The following MAP3K13 variants were observed in gnomAD, a reference collection of about 807,000 sequenced individuals.
MAP3K13 encodes the protein mitogen-activated protein kinase kinase kinase 13, also known as leucine zipper-bearing kinase.
Under a neutral mutation model 104.0 loss-of-function variants are expected in MAP3K13, and 52 were observed. That is an observed-to-expected ratio of 0.50 (90% CI 0.40 to 0.63). The LOEUF is 0.63. MAP3K13 is among the 20% of genes least tolerant of loss of function. The probability of loss-of-function intolerance (pLI) is 0.00; values close to 1 mark genes in which losing one functional copy is unlikely to be tolerated. For synonymous variants in MAP3K13, 394 were observed against 442.2 expected (o/e 0.89, Z 1.37); for missense variants, 914 against 1,218.5 (o/e 0.75, Z 3.72).
rs141609876 is a variant in MAP3K13 at position 185,443,546 on chromosome 3, G to A, written c.761G>A (p.Arg254Gln). The change falls in exon 4 of 14, where the codon CGA (arginine) becomes CAA (glutamine). Residue 254 changes from arginine to glutamine, a missense_variant. Arg to Gln is a conservative substitution (Grantham distance 43). Around this residue, in one of 3 missense-constraint regions of MAP3K13, gnomAD observed 175 missense variants for 321.3 expected, o/e 0.54. Transcript: ENST00000265026. ...VLRAGRKITPRLLVDWSTGIA... is the reference protein window; with the variant it reads ...VLRAGRKITPQLLVDWSTGIA... ...CGAGCTGGCAGGAAGATCACACCTC[G>A]ATTGCTAGTAGACTGGTCCACAGGA... 6.2e-6 allele frequency: 10 copies of A among 1,613,896 alleles called. No individual in the cohort carries two copies. The highest frequency in any genetic ancestry group is 1.3e-5 in the African/African-American group (1 of 74,890).
chr3:185,473,698 C>T lies in MAP3K13; in HGVS notation c.2367C>T (p.Ser789=), dbSNP rs367661156. The T allele has an allele frequency of 1.9e-6, 3 of 1,613,970 alleles. No homozygotes were observed. The African/African-American group carries it at 4.0e-5, about 22-fold the overall frequency. The change falls in exon 11 of 14, where the codon TCC becomes TCT. Residue 789 remains serine, a synonymous_variant. Coordinates refer to ENST00000265026, the MANE Select transcript of MAP3K13 (RefSeq NM_004721.5). The surrounding 1 kb of genome is among the most constrained non-coding windows in gnomAD (Gnocchi z 4.9). The part of the protein sequence containing the change: ...NEFSGCRSES[S]LGTSHLGTPP... The stretch of plus-strand genomic sequence containing the variant: ...TCAGCGGCTGTAGGTCTGAGTCATC[C>T]CTCGGCACCTCTCATCTCGGCACCC...
chr3:185,445,858 C>CA (rs1273294212), intron 4 of MAP3K13, among the ~76,000 whole-genome samples: 5 of 152,326 alleles, frequency 3.3e-5, no homozygotes, highest in African/African-American at 1.2e-4. Context: ...GTCACACCAA[C>CA]AGAGGCAGAG....
intron 2 of MAP3K13, chr3:185,292,649 C>T (rs1290770847): frequency 3.0e-6 from 3 of 985,200 alleles, no homozygotes; most frequent in Non-Finnish European, 2.4e-6. Flanking sequence ...AGTTGGAAGT[C>T]ATTCCCTCAG....
intron 7 of MAP3K13, among the ~76,000 whole-genome samples, chr3:185,454,539 T>TATATGATATATACCATATATATGAG (rs1716188795): frequency 8.5e-6 from 1 of 116,966 alleles, no homozygotes; most frequent in Admixed American, 1.0e-4. Context: ...ATATGAGATA[T>TATATGATATATACCATATATATGAG]ATATATGATA....
At chr3:185,399,069 A>G (rs1210893977) in intron 1 of MAP3K13, among the ~76,000 whole-genome samples, 6 of 152,188 alleles carry the variant, frequency 3.9e-5, no homozygotes, top group Admixed American at 6.5e-5. Flanking sequence ...TCCTTTAGCC[A>G]TCAGTGATTT....
intron 3 of MAP3K13, among the ~76,000 whole-genome samples, chr3:185,439,081 T>C (rs1210834131): frequency 6.6e-6 from 1 of 152,100 alleles, no homozygotes; most frequent in Non-Finnish European, 1.5e-5. Context: ...AAGGTAAATC[T>C]TGGGTACAGG....
At chr3:185,300,283 C>T (rs906015385) in intron 2 of MAP3K13, among the ~76,000 whole-genome samples, 21 of 151,048 alleles carry the variant, frequency 1.4e-4, no homozygotes, top group Admixed American at 1.4e-3. Flanking sequence ...TCCGCCTCCC[C>T]GGTTCAAGCT....
rs545692034 is a variant in MAP3K13, at chr3:185,318,189, TA to T, written c.-86+32554del. Among the ~76,000 whole-genome samples, 483 of 152,094 alleles carry T rather than the reference TA, an allele frequency of 3.2e-3. 2 individuals are homozygous for T. Among genetic ancestry groups the T allele is most frequent in the African/African-American group, 0.011 (468 of 41,488 alleles). On this transcript the variant is annotated intron_variant, in intron 2 of 14. Transcript: ENST00000424227. ...TGGGTTGGCAAAATATCCAATGCTT[TA>T]AAAAAAATGGCTTCCCATTGTGCAG...
At chr3:185,412,180 A>G (rs1183579087) in intron 1 of MAP3K13, among the ~76,000 whole-genome samples, 1 of 149,796 alleles carries the variant, frequency 6.7e-6, no homozygotes, top group Non-Finnish European at 1.5e-5. Flanking sequence ...TTTTGCATTT[A>G]TTTTTCTTTC....
intron 2 of MAP3K13, among the ~76,000 whole-genome samples, chr3:185,291,172 T>G (rs1425013273): frequency 6.6e-6 from 1 of 152,262 alleles, no homozygotes; most frequent in Non-Finnish European, 1.5e-5. Flanking sequence ...ATCAGTTTAT[T>G]TCCCTACCCC....
At chr3:185,367,601 ATT>A (rs879316068) in intron 1 of MAP3K13, among the ~76,000 whole-genome samples, 1 of 146,416 alleles carries the variant, frequency 6.8e-6, no homozygotes. Context: ...GTGTCTGTAA[ATT>A]TTTTTTTTTT....
intron 1 of MAP3K13, among the ~76,000 whole-genome samples, chr3:185,393,898 T>C (rs913230486): frequency 6.6e-6 from 1 of 152,186 alleles, no homozygotes; most frequent in Non-Finnish European, 1.5e-5. Context: ...AGTCTTTCAA[T>C]CTTCCCTGAC....
intron 1 of MAP3K13, among the ~76,000 whole-genome samples, chr3:185,395,357 C>CTTTTTTTTTTTTTTTTTTTTTTTTTT (rs770336517): frequency 2.9e-5 from 2 of 69,978 alleles, no homozygotes; most frequent in Admixed American, 2.0e-4. Flanking sequence ...AATATTATTT[C>CTTTTTTTTTTTTTTTTTTTTTTTTTT]TTTTTTTTTT....
intron 1 of MAP3K13, among the ~76,000 whole-genome samples, chr3:185,365,002 A>T (rs1723802666): frequency 6.6e-6 from 1 of 152,200 alleles, no homozygotes. Context: ...GGATATTTAA[A>T]AAATGTTGTT....
At chr3:185,329,232 T>C (rs1722157405) in intron 2 of MAP3K13, 1 of 703,052 alleles carries the variant, frequency 1.4e-6, no homozygotes, top group Non-Finnish European at 2.6e-6. Flanking sequence ...TGCAAGTGTT[T>C]ACAGTTAGAA....
At chr3:185,304,035 C>T (rs955581218) in intron 2 of MAP3K13, among the ~76,000 whole-genome samples, 14 of 152,090 alleles carry the variant, frequency 9.2e-5, no homozygotes, top group African/African-American at 3.4e-4. Context: ...TTCATTTGTC[C>T]TCAAGATATT....
intron 2 of MAP3K13, among the ~76,000 whole-genome samples, chr3:185,324,291 T>C (rs1163714638): frequency 6.6e-6 from 1 of 152,232 alleles, no homozygotes; most frequent in Non-Finnish European, 1.5e-5. Context: ...GTGCTGGGAT[T>C]ACAGGCGTGA....
intron 7 of MAP3K13, among the ~76,000 whole-genome samples, chr3:185,455,544 C>T (rs200713058): frequency 3.5e-3 from 3 of 860 alleles, no homozygotes; most frequent in Non-Finnish European, 3.7e-3. Context: ...ATATATATGA[C>T]ATATATATGA....
chr3:185,338,218 T>C (rs1449272240), intron 2 of MAP3K13, among the ~76,000 whole-genome samples: 3 of 149,904 alleles, frequency 2.0e-5, no homozygotes, highest in Admixed American at 6.8e-5. Context: ...TAATCCCAGC[T>C]ACACGGGAGG....
Sources: gnomAD v4.1 joint callset for allele counts (sites outside exome capture counted in the v4.1 genomes callset) on GRCh38, gnomAD v4.1.1 for gene constraint, gnomAD v4.1.1 regional missense constraint, Gnocchi (gnomAD v3.1) non-coding constraint, MANE v1.5 for transcripts, NCBI Gene and HGNC (gene_info 2026-07-23, HGNC 2026-07-21) for gene names.